RANBP17: variants seen among roughly 807,000 people sequenced by gnomAD.
RANBP17 encodes ran-binding protein 17.
Under a neutral mutation model 141.2 loss-of-function variants are expected in RANBP17, and 158 were observed. The observed-to-expected ratio is 1.12, with a 90% CI of 0.98 to 1.28. The LOEUF (loss-of-function observed/expected upper bound fraction) is 1.28, where lower values mean the gene tolerates loss of function less well. RANBP17 is among the 50% of genes most tolerant of loss of function. RANBP17 has a pLI of 0.00. For synonymous variants in RANBP17, 430 were observed against 450.0 expected (o/e 0.96, Z 0.56); for missense variants, 1,438 against 1,290.7 (o/e 1.11, Z -1.75).
chr5:170,954,462 T>G (rs1775441929), intron 13 of RANBP17, among the ~76,000 whole-genome samples: 1 of 151,472 alleles, frequency 6.6e-6, no homozygotes, highest in Non-Finnish European at 1.5e-5. Context: ...TATAAGGAAT[T>G]TATTTTTTTA....
At chr5:171,226,117 C>T (rs1763863830) in intron 22 of RANBP17, among the ~76,000 whole-genome samples, 1 of 152,156 alleles carries the variant, frequency 6.6e-6, no homozygotes. Context: ...TCAGCCTGAG[C>T]AACTTAATAA....
intron 14 of RANBP17, among the ~76,000 whole-genome samples, chr5:171,130,337 A>AT (rs767665058): frequency 1.4e-5 from 2 of 144,402 alleles, no homozygotes; most frequent in Non-Finnish European, 3.0e-5. Flanking sequence ...CATCATTTTC[A>AT]TTTTCTTTGG....
In RANBP17 at chr5:171,016,790, TA is replaced by T. The variant is rs952799275; in HGVS notation, c.1710+48423del. ...AATATGCATTTTTTTATGTCTTCTT[TA>T]AAAAAAAAAGCGGGATACACGTGCA... On this transcript the variant is annotated intron_variant, in intron 14 of 27. Transcript: ENST00000523189. 3.7e-3 allele frequency among the ~76,000 whole-genome samples: 546 copies of T among 148,750 alleles called. 4 individuals carry two copies. The highest frequency in any genetic ancestry group is 0.012 in the African/African-American group (475 of 40,656).
rs202035694 is a variant in RANBP17 at position 170,916,525 on chromosome 5, C to A, written c.895C>A (p.Arg299Ser). Residue 299 changes from arginine (R) to serine (S), a missense_variant, in exon 9 of 28, where the codon CGT becomes AGT. By Grantham distance (110) the Arg-to-Ser change is moderately radical. Transcript: ENST00000523189. Reference sequence around the variant, plus strand: ...AAGGTCCTTATTTAACAGTCCTGAACGTGCCAAGTACCTTGGTAATTTAAT... The same window carrying A: ...AAGGTCCTTATTTAACAGTCCTGAAAGTGCCAAGTACCTTGGTAATTTAAT... ...TRRSLFNSPE[R>S]AKYLGNLIKG... 2.5e-6 allele frequency: 4 copies of A among 1,586,646 alleles called. No homozygotes were observed. The East Asian group carries it at 6.8e-5, about 27-fold the overall frequency.
At chr5:171,194,951 G>GA (rs1383436156) in intron 18 of RANBP17, among the ~76,000 whole-genome samples, 4 of 151,874 alleles carry the variant, frequency 2.6e-5, no homozygotes, top group Non-Finnish European at 5.9e-5. Context: ...GTCTCTGAAG[G>GA]AAAAAAAATG....
At chr5:170,953,737 TA>T in intron 13 of RANBP17, 35 bp downstream of exon 13, 1 of 1,368,408 alleles carries the variant, frequency 7.3e-7, no homozygotes, top group Non-Finnish European at 1.0e-6. Context: ...TGAAATTCAC[TA>T]AATAGTTAAA....
chr5:171,051,901 T>C (rs1782975832), intron 14 of RANBP17, among the ~76,000 whole-genome samples: 1 of 152,168 alleles, frequency 6.6e-6, no homozygotes, highest in South Asian at 2.1e-4. Flanking sequence ...TTTGTTATTT[T>C]TAGGGTCGCT....
chr5:170,939,363 A>T (rs908657541), intron 12 of RANBP17, among the ~76,000 whole-genome samples: 2 of 89,488 alleles, frequency 2.2e-5, no homozygotes, highest in African/African-American at 6.5e-5. Flanking sequence ...ATTTTATTTT[A>T]TTTATTTATT....
chr5:171,292,427 T>C (rs759760359), intron 25 of RANBP17, among the ~76,000 whole-genome samples: 1 of 152,220 alleles, frequency 6.6e-6, no homozygotes, highest in Non-Finnish European at 1.5e-5. Flanking sequence ...GCTGGATTAT[T>C]ATTTCCCTCC....
intron 13 of RANBP17, among the ~76,000 whole-genome samples, chr5:170,965,256 T>C (rs866721238): frequency 6.9e-6 from 1 of 145,706 alleles, no homozygotes; most frequent in East Asian, 2.0e-4. Context: ...TTTTTTTTTT[T>C]CTTGTAAATT....
At chr5:171,251,772 C>T in intron 24 of RANBP17, 1 of 1,043,346 alleles carries the variant, frequency 9.6e-7, no homozygotes, top group Non-Finnish European at 1.5e-6. Context: ...CCCGCGCCCG[C>T]CCCCGCCTCT....
At chr5:171,014,350 A>T (rs1329216108) in intron 14 of RANBP17, among the ~76,000 whole-genome samples, 1 of 151,996 alleles carries the variant, frequency 6.6e-6, no homozygotes, top group African/African-American at 2.4e-5. Context: ...CTTGGATTTA[A>T]TCTACTGTTT....
chr5:171,282,606 G>A (rs1291199235), intron 25 of RANBP17, among the ~76,000 whole-genome samples: 4 of 152,064 alleles, frequency 2.6e-5, no homozygotes, highest in Non-Finnish European at 5.9e-5. Flanking sequence ...AGCCTCCCAA[G>A]TAGCTGGGAT....
chr5:171,023,842 A>G (rs1311464551), intron 14 of RANBP17, among the ~76,000 whole-genome samples: 1 of 152,116 alleles, frequency 6.6e-6, no homozygotes, highest in Non-Finnish European at 1.5e-5. Flanking sequence ...GTAGTTTGGA[A>G]TGCTCACCTT....
chr5:171,105,271 ACT>A (rs1754724804), intron 14 of RANBP17, among the ~76,000 whole-genome samples: 1 of 146,708 alleles, frequency 6.8e-6, no homozygotes, highest in African/African-American at 2.5e-5. Flanking sequence ...AGTCCCAGCT[ACT>A]TGGGAGGCTG....
intron 13 of RANBP17, among the ~76,000 whole-genome samples, chr5:170,964,401 T>G (rs1776379133): frequency 6.6e-6 from 1 of 152,112 alleles, no homozygotes; most frequent in Admixed American, 6.6e-5. Context: ...TGTTGTTAAT[T>G]TTATTATTAT....
intron 3 of RANBP17, 139 bp downstream of exon 3, chr5:170,882,035 T>C: frequency 1.7e-6 from 1 of 574,896 alleles, no homozygotes. Context: ...CATTTACTCA[T>C]CTGTGATGAA....
At chr5:170,914,292 G>A in intron 8 of RANBP17, 52 bp downstream of exon 8, 1 of 1,153,194 alleles carries the variant, frequency 8.7e-7, no homozygotes, top group Non-Finnish European at 1.3e-6. Context: ...GTAAATAAGG[G>A]GTGGTATATA....
chr5:171,086,736 C>G (rs1353265106), intron 14 of RANBP17, among the ~76,000 whole-genome samples: 10 of 148,734 alleles, frequency 6.7e-5, no homozygotes, highest in Admixed American at 1.3e-4. Context: ...TCTAGATTTT[C>G]TAGTTTATTT....
Sources: gnomAD v4.1 joint callset for allele counts (sites outside exome capture counted in the v4.1 genomes callset) on GRCh38, gnomAD v4.1.1 for gene constraint, MANE v1.5 for transcripts, NCBI Gene and HGNC (gene_info 2026-07-23, HGNC 2026-07-21) for gene names.